The following AKAP6 variants were observed in gnomAD, a reference collection of about 807,000 sequenced individuals.
The protein encoded by AKAP6 is A-kinase anchoring protein 6, also known as A-kinase anchor protein 6.
In AKAP6, 58 loss-of-function variants were observed where a neutral mutation model predicts 188.5. The observed-to-expected ratio is 0.31, with a 90% confidence interval of 0.25 to 0.38. AKAP6 has a LOEUF of 0.38. Ranked by LOEUF, AKAP6 falls within the 10% of genes least tolerant of loss-of-function variation. The pLI, the probability that AKAP6 is intolerant of heterozygous loss-of-function variation, is 1.00. For synonymous variants in AKAP6, 989 were observed against 998.6 expected (o/e 0.99, Z 0.18); for missense variants, 2,710 against 2,740.0 (o/e 0.99, Z 0.24).
intron 1 of AKAP6, among the ~76,000 whole-genome samples, chr14:32,396,815 A>G (rs552720882): frequency 3.7e-4 from 56 of 152,308 alleles, no homozygotes; most frequent in African/African-American, 1.3e-3. Context: ...TAGGTCAACC[A>G]TAGAACTCAC....
intron 1 of AKAP6, among the ~76,000 whole-genome samples, chr14:32,333,303 A>G (rs1277024994): frequency 6.6e-6 from 1 of 152,116 alleles, no homozygotes. Context: ...TCTTCTATTT[A>G]TAATCCTAGA....
intron 2 of AKAP6, among the ~76,000 whole-genome samples, chr14:32,520,402 C>G (rs991296359): frequency 2.6e-5 from 4 of 152,114 alleles, no homozygotes; most frequent in East Asian, 1.9e-4. Context: ...ATCAATGAAT[C>G]CAGGAGCTGG....
intron 7 of AKAP6, among the ~76,000 whole-genome samples, chr14:32,605,576 A>C (rs575525630): frequency 6.6e-6 from 1 of 152,188 alleles, no homozygotes; most frequent in Admixed American, 6.5e-5. Flanking sequence ...AAACCTGAAC[A>C]TATTGTTTAA....
At chr14:32,624,962 T>A (rs968842255) in intron 7 of AKAP6, among the ~76,000 whole-genome samples, 3 of 152,166 alleles carry the variant, frequency 2.0e-5, no homozygotes, top group African/African-American at 7.2e-5. Flanking sequence ...GTTGAACAGA[T>A]AATTCCTAGT....
At chr14:32,827,392 G>T (rs2034701800) in intron 13 of AKAP6, among the ~76,000 whole-genome samples, 1 of 151,154 alleles carries the variant, frequency 6.6e-6, no homozygotes, top group Non-Finnish European at 1.5e-5. Flanking sequence ...ATGATGAAAT[G>T]ATTATAATGC....
At chr14:32,595,851 G>A (rs908636443) in intron 5 of AKAP6, among the ~76,000 whole-genome samples, 1 of 152,022 alleles carries the variant, frequency 6.6e-6, no homozygotes, top group Non-Finnish European at 1.5e-5. Context: ...AAAGCTACTT[G>A]TTTTCTTATC....
At position 32,759,986 on chromosome 14, in the gene AKAP6, C is replaced by A. The variant is rs1443545958; in HGVS notation, c.3373-13692C>A. ...AACAAATTTCAAAACTTTATCAAAG[C>A]AACAATGGAAGTTACATTTTCAATC... On this transcript the variant is annotated intron_variant, in intron 11 of 13. Coordinates refer to ENST00000280979, the MANE Select transcript of AKAP6 (RefSeq NM_004274.5). Among the ~76,000 whole-genome samples, 3 of 152,198 alleles carry A rather than the reference C, an allele frequency of 2.0e-5. No homozygotes were observed. The East Asian group carries it at 5.8e-4, about 29-fold the overall frequency.
intron 8 of AKAP6, among the ~76,000 whole-genome samples, chr14:32,684,985 G>A (rs1204673330): frequency 1.3e-5 from 2 of 152,160 alleles, no homozygotes; most frequent in East Asian, 1.9e-4. Flanking sequence ...GCTGGGCACA[G>A]TGGCTCACAC....
At chr14:32,522,107 A>G (rs528280853) in intron 2 of AKAP6, among the ~76,000 whole-genome samples, 2 of 152,368 alleles carry the variant, frequency 1.3e-5, no homozygotes, top group East Asian at 3.9e-4. Context: ...CCTATTTAAT[A>G]AATGGTGCTG....
intron 12 of AKAP6, among the ~76,000 whole-genome samples, chr14:32,784,022 A>T (rs565919033): frequency 1.3e-5 from 2 of 152,288 alleles, no homozygotes; most frequent in East Asian, 3.9e-4. Context: ...AAAATTATGG[A>T]TCAAATTTTC....
intron 1 of AKAP6, among the ~76,000 whole-genome samples, chr14:32,349,900 TTGAAGAGACATA>T (rs1257954130): frequency 6.6e-6 from 1 of 152,204 alleles, no homozygotes; most frequent in Non-Finnish European, 1.5e-5. Context: ...GATGGAGCTG[TTGAAGAGACATA>T]GGAGCCAAGC....
intron 2 of AKAP6, among the ~76,000 whole-genome samples, chr14:32,524,189 CAT>C (rs1474660698): frequency 6.6e-6 from 1 of 151,818 alleles, no homozygotes; most frequent in Non-Finnish European, 1.5e-5. Flanking sequence ...ACTTAAAAGA[CAT>C]ATCAAGATAA....
intron 1 of AKAP6, among the ~76,000 whole-genome samples, chr14:32,393,016 TATA>T (rs1200461173): frequency 6.6e-6 from 1 of 152,088 alleles, no homozygotes; most frequent in Non-Finnish European, 1.5e-5. Flanking sequence ...TATTAAATAC[TATA>T]ATAATAATAG....
intron 3 of AKAP6, among the ~76,000 whole-genome samples, chr14:32,539,553 C>G (rs1882829930): frequency 6.6e-6 from 1 of 152,066 alleles, no homozygotes; most frequent in Non-Finnish European, 1.5e-5. Context: ...CAGATAATCC[C>G]TGCTTTAGAT....
Position 32,823,362 on chromosome 14 carries a change from A to G in AKAP6, c.5549A>G (p.Asn1850Ser). The change falls in exon 13 of 14, where the codon AAT becomes AGT. Residue 1850 changes from asparagine to serine, a missense_variant. Physicochemically the swap from Asn to Ser is conservative, Grantham distance 46. Around this residue, in one of 2 missense-constraint regions of AKAP6, gnomAD observed 2,473 missense variants for 2,426.1 expected, o/e 1.02. Transcript: ENST00000280979. ...ACTCTGAATATTGAGACCCTTCTAAATGGCTCTGTAAAACGTGTCTCTGAA... is the reference window on the plus strand; with the variant it reads ...ACTCTGAATATTGAGACCCTTCTAAGTGGCTCTGTAAAACGTGTCTCTGAA... ...SDTLNIETLL[N>S]GSVKRVSENN... is the part of the protein sequence containing the mutation. The G allele has an allele frequency of 1.2e-6, 2 of 1,613,898 alleles. No homozygotes were observed. The highest frequency in any genetic ancestry group is 1.1e-5 in the South Asian group (1 of 91,082).
At chr14:32,777,391 T>C (rs1466840507) in intron 12 of AKAP6, among the ~76,000 whole-genome samples, 1 of 152,108 alleles carries the variant, frequency 6.6e-6, no homozygotes, top group Non-Finnish European at 1.5e-5. Context: ...TGTCACAGAG[T>C]ATAGAATTGG....
chr14:32,658,782 A>C (rs1594819699), intron 7 of AKAP6, among the ~76,000 whole-genome samples: 1 of 93,386 alleles, frequency 1.1e-5, no homozygotes, highest in African/African-American at 3.6e-5. Flanking sequence ...GTCTTCTTTA[A>C]AAAAAAAAAA....
chr14:32,336,789 T>C (rs1007622974), intron 1 of AKAP6, among the ~76,000 whole-genome samples: 2 of 152,174 alleles, frequency 1.3e-5, no homozygotes, highest in Non-Finnish European at 2.9e-5. Flanking sequence ...GTGCTCATAG[T>C]TTGTTACTAC....
At chr14:32,428,756 G>A (rs528807147) in intron 1 of AKAP6, among the ~76,000 whole-genome samples, 33 of 152,228 alleles carry the variant, frequency 2.2e-4, no homozygotes, top group Middle Eastern at 3.4e-3. Flanking sequence ...TTCTGCTAGC[G>A]TCAAGCTCCA....
Sources: allele counts gnomAD v4.1 joint callset (sites outside exome capture counted in the v4.1 genomes callset), GRCh38; gene constraint gnomAD v4.1.1; regional missense constraint gnomAD v4.1.1; transcripts MANE v1.5; gene names NCBI Gene and HGNC (gene_info 2026-07-23, HGNC 2026-07-21).